ANKS1B: variants seen among roughly 807,000 people sequenced by gnomAD.
ANKS1B encodes ankyrin repeat and sterile alpha motif domain containing 1B, also known as ankyrin repeat and sterile alpha motif domain-containing protein 1B.
A neutral mutation model predicts 148.3 loss-of-function variants in ANKS1B; 36 were observed. The ratio of observed to expected loss-of-function variants is 0.24; its 90% CI spans 0.19 to 0.32. The LOEUF (loss-of-function observed/expected upper bound fraction) is 0.32, where lower values mean the gene tolerates loss of function less well. Ranked by LOEUF, ANKS1B falls within the 10% of genes least tolerant of loss-of-function variation. The pLI is 1.00. For missense variants in ANKS1B, 1,157 were observed against 1,542.6 expected, an observed-to-expected ratio of 0.75 and a Z score of 4.19; for synonymous variants, 542 against 560.8, an observed-to-expected ratio of 0.97 and a Z score of 0.47.
intron 14 of ANKS1B, among the ~76,000 whole-genome samples, chr12:99,240,124 G>C (rs2088964261): frequency 6.6e-6 from 1 of 152,140 alleles, no homozygotes; most frequent in Non-Finnish European, 1.5e-5. Flanking sequence ...CTGGAAAATT[G>C]GATAAAGAGC....
intron 9 of ANKS1B, among the ~76,000 whole-genome samples, chr12:99,652,106 C>CA (rs2098424154): frequency 6.6e-6 from 1 of 150,952 alleles, no homozygotes; most frequent in Non-Finnish European, 1.5e-5. Context: ...TATACACACA[C>CA]AAATATAAAT....
chr12:99,226,884 T>G (rs1159667624), intron 14 of ANKS1B, among the ~76,000 whole-genome samples: 1 of 152,218 alleles, frequency 6.6e-6, no homozygotes, highest in Non-Finnish European at 1.5e-5. Flanking sequence ...CAAAAAGGTT[T>G]TTCTTTTATA....
chr12:99,957,064 T>C lies in ANKS1B; in HGVS notation c.134+27040A>G, dbSNP rs186809063. Among the ~76,000 whole-genome samples, 15 of 152,310 alleles carry C rather than the reference T, an allele frequency of 9.8e-5. No homozygotes were observed. The East Asian group carries it at 2.7e-3, about 27-fold the overall frequency. On this transcript the variant is annotated intron_variant, in intron 1 of 26. Transcript: ENST00000683438. ...ACTGTCTACGTGATGTTCAACCTCT[T>C]CTAGGCTGAAGTACGTGAGACTTTA...
intron 1 of ANKS1B, among the ~76,000 whole-genome samples, chr12:99,899,232 C>T (rs2093498494): frequency 6.6e-6 from 1 of 152,118 alleles, no homozygotes; most frequent in African/African-American, 2.4e-5. Flanking sequence ...TGCCCAAAGT[C>T]ACACAGCAAA....
chr12:99,327,192 TATATA>T (rs1174960596), intron 12 of ANKS1B, among the ~76,000 whole-genome samples: 1,702 of 118,654 alleles, frequency 0.014, 39 homozygotes, highest in African/African-American at 0.055. Flanking sequence ...TTATTATAAT[TATATA>T]ATATATTATC....
intron 1 of ANKS1B, among the ~76,000 whole-genome samples, chr12:99,919,475 T>A (rs2094281544): frequency 6.6e-6 from 1 of 152,192 alleles, no homozygotes; most frequent in Admixed American, 6.5e-5. Context: ...CCTAAGGGTC[T>A]TATAAGTTTA....
At chr12:99,709,992 C>A in intron 8 of ANKS1B, among the ~76,000 whole-genome samples, 1 of 152,218 alleles carries the variant, frequency 6.6e-6, no homozygotes, top group Non-Finnish European at 1.5e-5. Flanking sequence ...CAGATGTAGC[C>A]TTATACCTTT....
intron 4 of ANKS1B, among the ~76,000 whole-genome samples, chr12:99,784,709 T>C (rs757729856): frequency 2.6e-5 from 4 of 152,280 alleles, no homozygotes; most frequent in Non-Finnish European, 5.9e-5. Flanking sequence ...GGCCATAGAA[T>C]TTCCATTTCT....
chr12:99,701,647 A>G (rs1378484405), intron 8 of ANKS1B, among the ~76,000 whole-genome samples: 4 of 151,936 alleles, frequency 2.6e-5, no homozygotes, highest in Non-Finnish European at 5.9e-5. Flanking sequence ...GTATCTAACC[A>G]TATTCTTATA....
At chr12:98,774,481 T>A (rs542383141) in intron 24 of ANKS1B, among the ~76,000 whole-genome samples, 2 of 152,378 alleles carry the variant, frequency 1.3e-5, no homozygotes, top group Admixed American at 1.3e-4. Flanking sequence ...TAGAAACTTC[T>A]TTTGATACAT....
At chr12:99,465,072 C>A (rs1023551643) in intron 10 of ANKS1B, among the ~76,000 whole-genome samples, 8 of 152,278 alleles carry the variant, frequency 5.3e-5, no homozygotes, top group Middle Eastern at 3.4e-3. Flanking sequence ...AAGGGAAGCC[C>A]ATCAGACTAA....
intron 10 of ANKS1B, among the ~76,000 whole-genome samples, chr12:99,490,549 T>C (rs1485985921): frequency 6.6e-6 from 1 of 152,248 alleles, no homozygotes; most frequent in Non-Finnish European, 1.5e-5. Context: ...AAGAATAACC[T>C]AGTTTTCTCT....
chr12:99,743,974 G>A (rs1362018756), intron 8 of ANKS1B, among the ~76,000 whole-genome samples: 1 of 152,136 alleles, frequency 6.6e-6, no homozygotes, highest in Admixed American at 6.6e-5. Flanking sequence ...TAAAGCCAAT[G>A]GTGATACCAG....
At chr12:99,967,907 C>CAAAAAA (rs71436975) in intron 1 of ANKS1B, among the ~76,000 whole-genome samples, 1 of 106,886 alleles carries the variant, frequency 9.4e-6, no homozygotes, top group Non-Finnish European at 1.9e-5. Flanking sequence ...AACTCCGTCT[C>CAAAAAA]AAAAAAAAAA....
chr12:99,814,320 C>A (rs751957236), intron 2 of ANKS1B, among the ~76,000 whole-genome samples: 27 of 151,538 alleles, frequency 1.8e-4, no homozygotes, highest in Non-Finnish European at 3.8e-4. Context: ...CTGGTAATAG[C>A]ATTAAATAAG....
intron 1 of ANKS1B, among the ~76,000 whole-genome samples, chr12:99,955,079 C>G (rs532374899): frequency 6.6e-6 from 1 of 152,240 alleles, no homozygotes; most frequent in African/African-American, 2.4e-5. Context: ...CCATCTGACA[C>G]CTAAGATGCA....
At chr12:99,731,321 G>A (rs537932643) in intron 8 of ANKS1B, among the ~76,000 whole-genome samples, 85 of 151,986 alleles carry the variant, frequency 5.6e-4, no homozygotes, top group Non-Finnish European at 8.4e-4. Flanking sequence ...GTTTCACCAC[G>A]TTGGCCAGGC....
intron 8 of ANKS1B, among the ~76,000 whole-genome samples, chr12:99,691,784 T>C (rs1051327822): frequency 3.9e-5 from 6 of 152,202 alleles, no homozygotes; most frequent in African/African-American, 1.4e-4. Flanking sequence ...CAAGTATCCT[T>C]GTAGCAGTGC....
chr12:98,768,674 C>T (rs1344479383), intron 25 of ANKS1B, among the ~76,000 whole-genome samples: 4 of 147,634 alleles, frequency 2.7e-5, no homozygotes, highest in South Asian at 2.1e-4. Flanking sequence ...GCGGAGCTTG[C>T]AGTGAGCAGA....
Sources: gnomAD v4.1 joint callset for allele counts (sites outside exome capture counted in the v4.1 genomes callset) on GRCh38, gnomAD v4.1.1 for gene constraint, MANE v1.5 for transcripts, NCBI Gene and HGNC (gene_info 2026-07-23, HGNC 2026-07-21) for gene names.